The following BCL2L11 variants were observed in gnomAD, a reference collection of about 807,000 sequenced individuals.
BCL2L11 encodes the protein BCL2 like 11, also known as bcl-2-like protein 11.
In BCL2L11, 15 loss-of-function variants were observed where a neutral mutation model predicts 20.6. The observed-to-expected ratio is 0.73, with a 90% CI of 0.49 to 1.12. The LOEUF is 1.12. Ranked by LOEUF, BCL2L11 falls within the 50% of genes most tolerant of loss-of-function variation. The probability of loss-of-function intolerance (pLI) is 0.00; values close to 1 mark genes in which losing one functional copy is unlikely to be tolerated. For missense variants in BCL2L11, 292 were observed against 260.9 expected (o/e 1.12, Z -0.82); for synonymous variants, 108 against 92.8 (o/e 1.16, Z -0.94).
At chr2:111,154,996 C>T (rs539862133) in intron 3 of BCL2L11, among the ~76,000 whole-genome samples, 5 of 152,288 alleles carry the variant, frequency 3.3e-5, no homozygotes, top group South Asian at 2.1e-4. Flanking sequence ...TCATTTGTTG[C>T]GGAATGAACT....
chr2:111,165,070 G>A lies in BCL2L11; in HGVS notation c.*839G>A, dbSNP rs2078960667. ...TCAGAACAAGAGTTAATATCTGCCT[G>A]TATCTTGCACAGTTCGAGCGATCTG... On this transcript the variant is annotated 3_prime_UTR_variant, in exon 4 of 4. Transcript: ENST00000393256. 6.6e-6 allele frequency: 1 copy of A among 152,216 alleles called. No homozygotes were observed. The highest frequency in any genetic ancestry group is 1.5e-5 in the Non-Finnish European group (1 of 68,042). 9.4% of individuals were successfully genotyped at this position (152,216 alleles called of 1,614,324 possible).
chr2:111,141,365 G>A (rs2075774527), intron 2 of BCL2L11, among the ~76,000 whole-genome samples: 2 of 151,294 alleles, frequency 1.3e-5, no homozygotes, highest in African/African-American at 4.9e-5. Flanking sequence ...TCCTTTGTAG[G>A]GACATGGATG....
At chr2:111,142,169 C>A in intron 2 of BCL2L11, 1 of 712,692 alleles carries the variant, frequency 1.4e-6, no homozygotes, top group African/African-American at 1.8e-5. Flanking sequence ...CACAGTCTTT[C>A]AGCACAGAAT....
chr2:111,158,607 A>G (rs1341549319), intron 3 of BCL2L11, among the ~76,000 whole-genome samples: 1 of 152,008 alleles, frequency 6.6e-6, no homozygotes, highest in African/African-American at 2.4e-5. Flanking sequence ...GACATCCTAT[A>G]CATTTACTGT....
intron 1 of BCL2L11, among the ~76,000 whole-genome samples, chr2:111,121,595 A>G (rs1423257441): frequency 6.6e-6 from 1 of 152,088 alleles, no homozygotes; most frequent in East Asian, 1.9e-4. Context: ...CCCTCAGAGT[A>G]GCGGCCGCGC....
chr2:111,128,807 T>C, intron 2 of BCL2L11: 2 of 1,466,330 alleles, frequency 1.4e-6, no homozygotes, highest in Non-Finnish European at 1.8e-6. Context: ...TTTTGTCATA[T>C]GGTCATTGGT....
intron 2 of BCL2L11, among the ~76,000 whole-genome samples, chr2:111,148,681 A>G (rs2076870443): frequency 6.6e-6 from 1 of 152,150 alleles, no homozygotes; most frequent in African/African-American, 2.4e-5. Flanking sequence ...GTTTATTCAC[A>G]GACTGCAGAT....
At chr2:111,129,815 C>T (rs1226155809) in intron 2 of BCL2L11, among the ~76,000 whole-genome samples, 1 of 152,228 alleles carries the variant, frequency 6.6e-6, no homozygotes, top group Non-Finnish European at 1.5e-5. Context: ...ATCTGATCTA[C>T]ATATCTGTAC....
At chr2:111,157,491 C>T (rs72837815) in intron 3 of BCL2L11, among the ~76,000 whole-genome samples, 10,705 of 152,202 alleles carry the variant, frequency 0.07, 575 homozygotes, top group Non-Finnish European at 0.11. Flanking sequence ...ATTCCAACTA[C>T]TGGTGCCTCA....
chr2:111,132,763 T>C (rs1314794793), intron 2 of BCL2L11, among the ~76,000 whole-genome samples: 8 of 152,218 alleles, frequency 5.3e-5, no homozygotes, highest in African/African-American at 1.7e-4. Context: ...CAAAGTATCT[T>C]GAGGTTCCTG....
At chr2:111,164,085 A>AC in intron 3 of BCL2L11, 48 bp from the exon 4 acceptor site, 86 of 573,630 alleles carry the variant, frequency 1.5e-4, no homozygotes, top group East Asian at 2.2e-4. Context: ...ACCCCTCCCC[A>AC]CCCCCAAATT....
At chr2:111,128,554 C>G in intron 2 of BCL2L11, 3 of 1,422,850 alleles carry the variant, frequency 2.1e-6, no homozygotes, top group Non-Finnish European at 2.7e-6. Context: ...ATTTTACATT[C>G]CCACCAACAG....
rs762818079 is a variant in BCL2L11, at chr2:111,164,155, C to T, written c.521C>T (p.Ala174Val). The change falls in exon 4 of 4, where the codon GCA becomes GTA. Residue 174 changes from alanine (A) to valine (V), a missense_variant. Ala to Val is a moderately conservative substitution (Grantham distance 64). Coordinates refer to ENST00000393256, the MANE Select transcript of BCL2L11 (RefSeq NM_138621.5). ...ARRVFLNNYQ[A>V]AEDHPRMVIL... Reference sequence around the variant, plus strand: ...CAGGTATTTTTGAATAATTACCAAGCAGCCGAAGACCACCCACGAATGGTT... The same window carrying T: ...CAGGTATTTTTGAATAATTACCAAGTAGCCGAAGACCACCCACGAATGGTT... The T allele has an allele frequency of 1.3e-5, 21 of 1,591,172 alleles. No homozygotes were observed. The highest frequency in any genetic ancestry group is 1.8e-5 in the Non-Finnish European group (21 of 1,164,666).
intron 3 of BCL2L11, among the ~76,000 whole-genome samples, chr2:111,153,206 C>T (rs1045912479): frequency 1.3e-5 from 2 of 151,830 alleles, no homozygotes; most frequent in East Asian, 1.9e-4. Context: ...GGTGAAGCCC[C>T]GTCTCTACTA....
Position 111,157,126 on chromosome 2 carries a change from T to G in BCL2L11, c.498+6979T>G, listed in dbSNP as rs148647916. ...GCTTGTTTGCACCACGTGTGAGTGC[T>G]CATCTGTTTGGCAGGTGCCTACACC... is the stretch of plus-strand genomic sequence containing the variant. On this transcript the variant is annotated intron_variant, in intron 3 of 3. Coordinates refer to ENST00000393256, the MANE Select transcript of BCL2L11 (RefSeq NM_138621.5). 4.4e-4 allele frequency among the ~76,000 whole-genome samples: 67 copies of G among 152,302 alleles called. No individual in the cohort carries two copies. In the East Asian group the frequency reaches 0.012, roughly 28 times the overall value.
chr2:111,158,729 T>G (rs2078192333), intron 3 of BCL2L11, among the ~76,000 whole-genome samples: 1 of 152,194 alleles, frequency 6.6e-6, no homozygotes, highest in Non-Finnish European at 1.5e-5. Flanking sequence ...TTGAGCTTGC[T>G]TTGATATGAC....
intron 3 of BCL2L11, among the ~76,000 whole-genome samples, chr2:111,152,711 T>G (rs2077392261): frequency 6.6e-6 from 1 of 152,216 alleles, no homozygotes; most frequent in African/African-American, 2.4e-5. Context: ...GCCTCTCTGT[T>G]GAGGATGTGA....
In BCL2L11 at chr2:111,121,878, C is replaced by T. The variant is rs565674990; in HGVS notation, c.-14+690C>T. 8.5e-5 allele frequency among the ~76,000 whole-genome samples: 13 copies of T among 152,324 alleles called. No individual in the cohort carries two copies. In the South Asian group the frequency reaches 2.7e-3, roughly 32 times the overall value. On this transcript the variant is annotated intron_variant, in intron 1 of 3. Transcript: ENST00000393256. ...CTGACCACCTGGACCGCGCAGGGGA[C>T]TAGTCGCGGCCGGCAGAACCTGCTC...
At position 111,164,132 on chromosome 2, in the gene BCL2L11, G is replaced by A. The variant is rs2078908890; in HGVS notation, c.499-1G>A. The A allele has an allele frequency of 1.3e-6, 2 of 1,505,370 alleles. No individual in the cohort carries two copies. Among genetic ancestry groups the A allele is most frequent in the Non-Finnish European group, 9.1e-7 (1 of 1,102,818 alleles). 93.3% of individuals were successfully genotyped at this position (1,505,370 alleles called of 1,614,324 possible). A position where few individuals can be genotyped will look rare whatever the true frequency, so the allele number is the denominator to read the frequency against. ...AAGAAGCTTTCCTTTTGTTGTTTCA[G>A]GTATTTTTGAATAATTACCAAGCAG... is the stretch of plus-strand genomic sequence containing the variant. On this transcript the variant is annotated splice_acceptor_variant, in intron 3 of 3. Coordinates refer to ENST00000393256, the MANE Select transcript of BCL2L11 (RefSeq NM_138621.5). LOFTEE classifies it high-confidence loss of function.
Sources: allele counts gnomAD v4.1 joint callset (sites outside exome capture counted in the v4.1 genomes callset), GRCh38; gene constraint gnomAD v4.1.1; transcripts MANE v1.5; gene names NCBI Gene and HGNC (gene_info 2026-07-23, HGNC 2026-07-21).